The following TRAPPC6B variants were observed in gnomAD, a reference collection of about 807,000 sequenced individuals.
TRAPPC6B encodes TRAPP complex subunit 6B.
A neutral mutation model predicts 24.7 loss-of-function variants in TRAPPC6B; 27 were observed. The observed-to-expected ratio is 1.09, with a 90% confidence interval of 0.81 to 1.51. The LOEUF is 1.51. Ranked by LOEUF, TRAPPC6B falls within the 40% of genes most tolerant of loss-of-function variation. The pLI, the probability that TRAPPC6B is intolerant of heterozygous loss-of-function variation, is 0.00. For missense variants in TRAPPC6B, 212 were observed against 190.8 expected, an observed-to-expected ratio of 1.11 and a Z score of -0.66; for synonymous variants, 80 against 66.6, an observed-to-expected ratio of 1.20 and a Z score of -0.98.
intron 3 of TRAPPC6B, among the ~76,000 whole-genome samples, 153 bp from the exon 4 acceptor site, chr14:39,154,447 G>T (rs1023277177): frequency 1.3e-5 from 2 of 152,080 alleles, no homozygotes; most frequent in Non-Finnish European, 2.9e-5. Context: ...TTGAGACGGG[G>T]TCTCCTCTGT....
chr14:39,168,193 G>C (rs1244922046), intron 1 of TRAPPC6B, among the ~76,000 whole-genome samples: 1 of 143,844 alleles, frequency 7.0e-6, no homozygotes, highest in Non-Finnish European at 1.5e-5. Flanking sequence ...TCCAGCCTGG[G>C]AGACAAGAAC....
chr14:39,170,041 A>C lies in TRAPPC6B; in HGVS notation c.55T>G (p.Tyr19Asp). 1 of 1,614,094 alleles carries C rather than the reference A, an allele frequency of 6.2e-7. No individual in the cohort carries two copies. Among genetic ancestry groups the C allele is most frequent in the Non-Finnish European group, 8.5e-7 (1 of 1,180,014 alleles). ...ACCTCCCCCTGCTCCGCGGACTTGT[A>C]CACTCCAGACACCATCTCGTTATGG... ...LLHNEMVSGV[Y>D]KSAEQGEVEN... The change falls in exon 1 of 6, where the codon TAC (tyrosine) becomes GAC (aspartate). Residue 19 changes from tyrosine (Y) to aspartate (D), a missense_variant. Transcript: ENST00000330149.
intron 1 of TRAPPC6B, among the ~76,000 whole-genome samples, chr14:39,162,382 C>T (rs779401034): frequency 3.2e-4 from 49 of 151,894 alleles, no homozygotes; most frequent in Non-Finnish European, 6.5e-4. Flanking sequence ...GTCTCAAAGT[C>T]CTGACCTCAA....
chr14:39,161,948 G>C (rs186432564), intron 1 of TRAPPC6B, among the ~76,000 whole-genome samples: 43 of 152,306 alleles, frequency 2.8e-4, no homozygotes, highest in Admixed American at 2.6e-3. Flanking sequence ...CGGTAGAGGG[G>C]ACACTTTTTT....
At position 39,154,257 on chromosome 14, in the gene TRAPPC6B, A is replaced by G. The variant is rs2052949910; in HGVS notation, c.305T>C (p.Leu102Pro). ...CTGTTTTCCTGCAGACATCTGAGTAAGCAGGCGAAATTTGTTGTCCTGAAG... is the reference window on the plus strand; with the variant it reads ...CTGTTTTCCTGCAGACATCTGAGTAGGCAGGCGAAATTTGTTGTCCTGAAG... The part of the protein sequence containing the change: ...YVLQDNKFRL[L>P]TQMSAGKQYL... Residue 102 changes from leucine to proline, a missense_variant, in exon 4 of 6, where the codon CTT becomes CCT. Transcript: ENST00000330149. 1 of 1,613,562 alleles carries G rather than the reference A, an allele frequency of 6.2e-7. No individual in the cohort carries two copies. The highest frequency in any genetic ancestry group is 8.5e-7 in the Non-Finnish European group (1 of 1,179,696).
At chr14:39,166,293 T>A (rs2053108238) in intron 1 of TRAPPC6B, among the ~76,000 whole-genome samples, 1 of 151,242 alleles carries the variant, frequency 6.6e-6, no homozygotes, top group African/African-American at 2.4e-5. Flanking sequence ...TCAGCTAGAA[T>A]AAGTGTCTGT....
rs2052953254 is a variant in TRAPPC6B, at chr14:39,154,487, ACG to A, written c.268-195_268-194del. On this transcript the variant is annotated intron_variant, in intron 3 of 5. Transcript: ENST00000330149. ...CAGGGTAGAATGCAGTGGCACAATT[ACG>A]CCTCACTGCAGCCTCCAACTCCCAG... Among the ~76,000 whole-genome samples the A allele has an allele frequency of 2.0e-5, 3 of 152,214 alleles. No homozygotes were observed. The South Asian group carries it at 6.2e-4, about 32-fold the overall frequency.
Position 39,150,304 on chromosome 14 carries a change from A to C in TRAPPC6B, c.*46T>G. On this transcript the variant is annotated 3_prime_UTR_variant, in exon 6 of 6. Coordinates refer to ENST00000330149, the MANE Select transcript of TRAPPC6B (RefSeq NM_001079537.2). ...CACTACTTGAAATACTTTTACATGA[A>C]TAATTTATCTCTTTACACTGTTGAA... 1 of 1,501,724 alleles carries C rather than the reference A, an allele frequency of 6.7e-7. No homozygotes were observed. Among genetic ancestry groups the C allele is most frequent in the Non-Finnish European group, 9.1e-7 (1 of 1,103,722 alleles). 93.0% of individuals were successfully genotyped at this position (1,501,724 alleles called of 1,614,324 possible). A position where few individuals can be genotyped will look rare whatever the true frequency, so the allele number is the denominator to read the frequency against.
chr14:39,148,514 A>G lies in TRAPPC6B; in HGVS notation c.*1836T>C. 2 of 396,146 alleles carry G rather than the reference A, an allele frequency of 5.0e-6. No homozygotes were observed. The highest frequency in any genetic ancestry group is 8.9e-6 in the Non-Finnish European group (2 of 224,870). 24.5% of individuals were successfully genotyped at this position (396,146 alleles called of 1,614,324 possible). A position where few individuals can be genotyped will look rare whatever the true frequency, so the allele number is the denominator to read the frequency against. On this transcript the variant is annotated 3_prime_UTR_variant, in exon 6 of 6. Coordinates refer to ENST00000330149, the MANE Select transcript of TRAPPC6B (RefSeq NM_001079537.2). ...AGAACGAAATGGCTGATGGGTAGGC[A>G]TATGAATGTCTAACAAACCAACTTA...
intron 1 of TRAPPC6B, among the ~76,000 whole-genome samples, chr14:39,160,857 A>G (rs1025247935): frequency 2.6e-5 from 4 of 152,154 alleles, no homozygotes; most frequent in African/African-American, 9.7e-5. Context: ...TATAAATAAA[A>G]TCCCACAGTT....
intron 3 of TRAPPC6B, chr14:39,157,569 G>A (rs189915910): frequency 7.3e-4 from 282 of 385,448 alleles, no homozygotes; most frequent in Non-Finnish European, 1.2e-3. Context: ...CTGTCTTCCT[G>A]CCTGCCTTGT....
intron 4 of TRAPPC6B, among the ~76,000 whole-genome samples, chr14:39,152,984 CTTTGGGAGGCTGTAATCCCAGCAT>C (rs1360865158): frequency 6.6e-6 from 1 of 152,076 alleles, no homozygotes; most frequent in Non-Finnish European, 1.5e-5. Flanking sequence ...AATCCCAGCA[CTTTGGGAGGCTGTAATCCCAGCAT>C]TTTGGGTGGC....
In TRAPPC6B at chr14:39,150,383, T is replaced by TA. The variant is rs150886646; in HGVS notation, c.446-3dup. Reference sequence around the variant, plus strand: ...TCTGTATCATCACCTGAAATTTGCCTAAAAAAAAAAATACAAATAATTCTT... The same window carrying TA: ...TCTGTATCATCACCTGAAATTTGCCTAAAAAAAAAAAATACAAATAATTCTT... On this transcript the variant is annotated splice_region_variant and splice_polypyrimidine_tract_variant and intron_variant, in intron 5 of 5. Coordinates refer to ENST00000330149, the MANE Select transcript of TRAPPC6B (RefSeq NM_001079537.2). 25,901 of 1,193,754 alleles carry TA rather than the reference T, an allele frequency of 0.022. 5 individuals carry two copies. The highest frequency in any genetic ancestry group is 0.053 in the East Asian group (1,641 of 31,166). 73.9% of individuals were successfully genotyped at this position (1,193,754 alleles called of 1,614,324 possible).
intron 3 of TRAPPC6B, among the ~76,000 whole-genome samples, chr14:39,158,041 C>CT (rs1316739988): frequency 6.6e-6 from 1 of 152,098 alleles, no homozygotes; most frequent in African/African-American, 2.4e-5. Flanking sequence ...CTGACTTATG[C>CT]TACTTTAAAA....
chr14:39,168,514 C>G (rs1295326571), intron 1 of TRAPPC6B, among the ~76,000 whole-genome samples: 4 of 146,944 alleles, frequency 2.7e-5, no homozygotes, highest in Non-Finnish European at 6.1e-5. Flanking sequence ...CCTGCCTATC[C>G]TTCTTGTGCA....
chr14:39,157,207 G>A, intron 3 of TRAPPC6B: 2 of 337,456 alleles, frequency 5.9e-6, no homozygotes, highest in South Asian at 2.9e-5. Context: ...ACCCAATATG[G>A]ACCTCACTCA....
intron 5 of TRAPPC6B, among the ~76,000 whole-genome samples, chr14:39,151,108 C>T (rs1260418103): frequency 1.3e-5 from 2 of 151,872 alleles, no homozygotes; most frequent in African/African-American, 4.8e-5. Flanking sequence ...ATAGCATTTT[C>T]GGGCCGGGCG....
intron 4 of TRAPPC6B, among the ~76,000 whole-genome samples, chr14:39,153,703 CTTT>C (rs753192860): frequency 2.3e-5 from 3 of 129,090 alleles, no homozygotes; most frequent in Admixed American, 7.8e-5. Flanking sequence ...TCTTTTTTTT[CTTT>C]TTTTTTTTTT....
At chr14:39,156,189 C>T (rs1380613466) in intron 3 of TRAPPC6B, among the ~76,000 whole-genome samples, 1 of 152,042 alleles carries the variant, frequency 6.6e-6, no homozygotes, top group African/African-American at 2.4e-5. Context: ...AAAGTTGGTA[C>T]AAAATGAATT....
Sources: allele counts gnomAD v4.1 joint callset (sites outside exome capture counted in the v4.1 genomes callset), GRCh38; gene constraint gnomAD v4.1.1; transcripts MANE v1.5; gene names NCBI Gene and HGNC (gene_info 2026-07-23, HGNC 2026-07-21).